NCAN: variants seen among roughly 807,000 people sequenced by gnomAD.
NCAN encodes the protein neurocan core protein.
A neutral mutation model predicts 121.8 loss-of-function variants in NCAN; 47 were observed. The observed-to-expected ratio is 0.39, with a 90% confidence interval of 0.31 to 0.49. The LOEUF (loss-of-function observed/expected upper bound fraction) is 0.49, where lower values mean the gene tolerates loss of function less well. Ranked by LOEUF, NCAN falls within the 20% of genes least tolerant of loss-of-function variation. The pLI is 0.92. For missense variants in NCAN, 1,517 were observed against 1,773.4 expected, an observed-to-expected ratio of 0.86 and a Z score of 2.60; for synonymous variants, 633 against 702.0, an observed-to-expected ratio of 0.90 and a Z score of 1.55.
intron 11 of NCAN, among the ~76,000 whole-genome samples, chr19:19,239,661 T>C (rs1259717222): frequency 1.0e-4 from 8 of 79,746 alleles, no homozygotes; most frequent in East Asian, 4.5e-4. Flanking sequence ...ACTCATCTTC[T>C]TCCTCCTTTC....
chr19:19,222,846 T>C (rs981062423), intron 3 of NCAN, among the ~76,000 whole-genome samples: 2 of 151,824 alleles, frequency 1.3e-5, no homozygotes, highest in Admixed American at 1.3e-4. Context: ...CGGTGGCTCA[T>C]GCCTGTAATC....
Position 19,251,344 on chromosome 19 carries a change from C to T in NCAN, c.*1433C>T, listed in dbSNP as rs959731690. 1 of 152,168 alleles carries T rather than the reference C, an allele frequency of 6.6e-6. No homozygotes were observed. Among genetic ancestry groups the T allele is most frequent in the African/African-American group, 2.4e-5 (1 of 41,424 alleles). 9.4% of individuals were successfully genotyped at this position (152,168 alleles called of 1,614,324 possible). A position where few individuals can be genotyped will look rare whatever the true frequency, so the allele number is the denominator to read the frequency against. ...CCATTGACAACTAAGAAGTAGACAC[C>T]ATGCTAAAGACTTACATACAATCTC... On this transcript the variant is annotated 3_prime_UTR_variant, in exon 15 of 15. Transcript: ENST00000252575.
intron 6 of NCAN, 71 bp from the exon 7 acceptor site, chr19:19,226,415 G>A: frequency 8.5e-7 from 1 of 1,171,222 alleles, no homozygotes; most frequent in South Asian, 1.5e-5. Context: ...GCTGGAAAGT[G>A]GGTAGACTTC....
At chr19:19,240,313 C>T (rs1332441856) in intron 11 of NCAN, among the ~76,000 whole-genome samples, 3 of 151,926 alleles carry the variant, frequency 2.0e-5, no homozygotes, top group African/African-American at 7.3e-5. Flanking sequence ...CTCCAGCCCA[C>T]CTCCAGGCTG....
intron 1 of NCAN, among the ~76,000 whole-genome samples, chr19:19,215,628 T>C (rs1445857800): frequency 6.6e-6 from 1 of 152,210 alleles, no homozygotes; most frequent in Non-Finnish European, 1.5e-5. Flanking sequence ...GGTGAGCCCC[T>C]TCCTCCAGCT....
In NCAN at chr19:19,226,774, G is replaced by A; in HGVS notation, c.1361G>A (p.Ser454Asn). 1 of 1,613,438 alleles carries A rather than the reference G, an allele frequency of 6.2e-7. No individual in the cohort carries two copies. The highest frequency in any genetic ancestry group is 8.5e-7 in the Non-Finnish European group (1 of 1,179,940). ...GTGTGGCTAAGCACGGTGGCCCCCA[G>A]CCCTAGCGACATGGGGGCAGGCACT... Reference protein sequence around the residue: ...GEVWLSTVAPSPSDMGAGTAA... With the variant: ...GEVWLSTVAPNPSDMGAGTAA... Residue 454 changes from serine (S) to asparagine (N), a missense_variant, in exon 7 of 15, where the codon AGC becomes AAC. Transcript: ENST00000252575.
chr19:19,219,453 G>A, intron 3 of NCAN, 137 bp downstream of exon 3: 1 of 950,822 alleles, frequency 1.1e-6, no homozygotes, highest in Non-Finnish European at 1.5e-6. Context: ...CCAGCACTTT[G>A]GCAGGCCAAG....
At position 19,224,426 on chromosome 19, in the gene NCAN, G is replaced by T. The variant is rs773353280; in HGVS notation, c.771G>T (p.Glu257Asp). 6 of 1,613,312 alleles carry T rather than the reference G, an allele frequency of 3.7e-6. No individual in the cohort carries two copies. In the East Asian group the frequency reaches 1.1e-4, roughly 30 times the overall value. Residue 257 changes from glutamate (E) to aspartate (D), a missense_variant, in exon 5 of 15, where the codon GAG becomes GAT. By Grantham distance (45) the Glu-to-Asp change is conservative. Transcript: ENST00000252575. ...ELYDVYCFAR[E>D]LGGEVFYVGP... ...ACGATGTGTATTGCTTTGCCCGGGA[G>T]CTGGGGGGTAAGTCTGGGACTGGCA... is the stretch of plus-strand genomic sequence containing the variant.
Position 19,216,964 on chromosome 19 carries a change from C to T in NCAN, c.11C>T (p.Pro4Leu), listed in dbSNP as rs376834100. The change falls in exon 2 of 15, where the codon CCG (proline) becomes CTG (leucine). Residue 4 changes from proline to leucine, a missense_variant. Pro to Leu is a moderately conservative substitution (Grantham distance 98). Coordinates refer to ENST00000252575, the MANE Select transcript of NCAN (RefSeq NM_004386.3). ...TGTTCCAGATCCAGGATGGGGGCCC[C>T]GTTTGTCTGGGCCTTGGGCCTTTTG... MGA[P>L]FVWALGLLML... 5.3e-6 allele frequency: 7 copies of T among 1,311,908 alleles called. No homozygotes were observed. Among genetic ancestry groups the T allele is most frequent in the Non-Finnish European group, 6.9e-6 (7 of 1,021,082 alleles). The allele number at this position is 1,311,908 out of a possible 1,614,324, so 81.3% of individuals were successfully genotyped here.
At position 19,249,810 on chromosome 19, in the gene NCAN, C is replaced by T. The variant is rs770329698; in HGVS notation, c.3865C>T (p.His1289Tyr). The change falls in exon 15 of 15, where the codon CAC (histidine) becomes TAC (tyrosine). Residue 1289 changes from histidine (H) to tyrosine (Y), a missense_variant. Transcript: ENST00000252575. ...GCGGCGACACCACCACCACCACCAA[C>T]ACCACCACCAGCATCACCACCACAA... Reference protein sequence around the residue: ...RMRRHHHHHQHHHQHHHHKSR... With the variant: ...RMRRHHHHHQYHHQHHHHKSR... 1.2e-6 allele frequency: 2 copies of T among 1,612,532 alleles called. No individual in the cohort carries two copies. The highest frequency in any genetic ancestry group is 1.7e-5 in the Admixed American group (1 of 59,568).
intron 2 of NCAN, 148 bp downstream of exon 2, chr19:19,217,174 TCAAAAGCGAA>T: frequency 1.9e-6 from 1 of 521,610 alleles, no homozygotes; most frequent in Non-Finnish European, 3.0e-6. Flanking sequence ...CTTTGAACAG[TCAAAAGCGAA>T]CAGGATACCT....
chr19:19,226,347 G>T (rs2060836801), intron 6 of NCAN, 139 bp from the exon 7 acceptor site: 2 of 670,298 alleles, frequency 3.0e-6, no homozygotes, highest in South Asian at 5.3e-5. Context: ...CAGGCTGGGG[G>T]AATCTCAGAA....
chr19:19,248,303 G>C (rs2060932852), intron 13 of NCAN, among the ~76,000 whole-genome samples: 1 of 152,046 alleles, frequency 6.6e-6, no homozygotes, highest in Non-Finnish European at 1.5e-5. Flanking sequence ...AAATTAGCCA[G>C]CCATGGTGGT....
chr19:19,227,278 C>A lies in NCAN; in HGVS notation c.1661-3C>A. The stretch of plus-strand genomic sequence containing the variant: ...TGTAATGATTGCCTTGATGTTGTTG[C>A]AGGTTCTGCTGGTGGCAAGAGCTCC... On this transcript the variant is annotated splice_polypyrimidine_tract_variant and splice_region_variant and intron_variant, in intron 7 of 14. Coordinates refer to ENST00000252575, the MANE Select transcript of NCAN (RefSeq NM_004386.3). This position sits in a 1 kb window ranked among gnomAD's most constrained non-coding sequence, Gnocchi z 4.2. 6.5e-6 allele frequency: 10 copies of A among 1,541,596 alleles called. No individual in the cohort carries two copies. The highest frequency in any genetic ancestry group is 7.9e-6 in the Non-Finnish European group (9 of 1,145,464).
intron 3 of NCAN, among the ~76,000 whole-genome samples, chr19:19,223,541 C>T (rs752400676): frequency 3.7e-4 from 56 of 151,966 alleles, no homozygotes; most frequent in Non-Finnish European, 2.2e-4. Context: ...GGCTCAATCC[C>T]GGCTCACCGC....
chr19:19,226,378 G>A (rs1444870777), intron 6 of NCAN, 108 bp from the exon 7 acceptor site: 1 of 891,806 alleles, frequency 1.1e-6, no homozygotes, highest in Admixed American at 2.4e-5. Context: ...AGAGACAGAG[G>A]TACACAGAAG....
In NCAN at chr19:19,227,897, G is replaced by A. The variant is rs1212092710; in HGVS notation, c.2277G>A (p.Gly759=). 6.2e-7 allele frequency: 1 copy of A among 1,613,664 alleles called. No individual in the cohort carries two copies. Among genetic ancestry groups the A allele is most frequent in the Admixed American group, 1.7e-5 (1 of 60,012 alleles). The change falls in exon 8 of 15, where the codon GGG becomes GGA. Residue 759 remains glycine, a synonymous_variant. Coordinates refer to ENST00000252575, the MANE Select transcript of NCAN (RefSeq NM_004386.3). The surrounding 1 kb of genome is among the most constrained non-coding windows in gnomAD (Gnocchi z 4.2). ...GLRGIPGSES[G]VFDTAESPTS... Reference sequence around the variant, plus strand: ...GGGGTATCCCGGGGTCTGAGTCTGGGGTCTTCGACACAGCAGAAAGCCCCA... The same window carrying A: ...GGGGTATCCCGGGGTCTGAGTCTGGAGTCTTCGACACAGCAGAAAGCCCCA...
chr19:19,241,305 G>A (rs1250607007), intron 12 of NCAN, among the ~76,000 whole-genome samples: 3 of 151,956 alleles, frequency 2.0e-5, no homozygotes, highest in East Asian at 1.9e-4. Context: ...GTCCATGCTT[G>A]TAATCCCAGC....
At chr19:19,223,119 AAAATAAAAT>A (rs2060822781) in intron 3 of NCAN, among the ~76,000 whole-genome samples, 1 of 149,146 alleles carries the variant, frequency 6.7e-6, no homozygotes, top group South Asian at 2.1e-4. Context: ...AAAAATAAAT[AAAATAAAAT>A]AAATAAAATA....
Sources: gnomAD v4.1 joint callset for allele counts (sites outside exome capture counted in the v4.1 genomes callset) on GRCh38, gnomAD v4.1.1 for gene constraint, Gnocchi (gnomAD v3.1) non-coding constraint, MANE v1.5 for transcripts, NCBI Gene and HGNC (gene_info 2026-07-23, HGNC 2026-07-21) for gene names.